RNF38: variants seen among roughly 807,000 people sequenced by gnomAD.
RNF38 encodes ring finger protein 38.
RNF38 carries 15 observed loss-of-function variants against 67.2 expected under a neutral mutation model. That is an observed-to-expected ratio of 0.22 (90% CI 0.15 to 0.34). The LOEUF (loss-of-function observed/expected upper bound fraction) is 0.34. Ranked by LOEUF, RNF38 falls within the 10% of genes least tolerant of loss-of-function variation. The pLI is 1.00. For missense variants in RNF38, 524 were observed against 639.9 expected, an observed-to-expected ratio of 0.82 and a Z score of 1.95; for synonymous variants, 220 against 218.8, an observed-to-expected ratio of 1.01 and a Z score of -0.05.
At chr9:36,462,567 A>G (rs771105440) in intron 1 of RNF38, among the ~76,000 whole-genome samples, 1 of 152,102 alleles carries the variant, frequency 6.6e-6, no homozygotes, top group Non-Finnish European at 1.5e-5. Context: ...TACAGCAAGC[A>G]CACTTTTGCG....
At chr9:36,453,689 TAA>T (rs1344124433) in intron 1 of RNF38, among the ~76,000 whole-genome samples, 9 of 152,042 alleles carry the variant, frequency 5.9e-5, no homozygotes, top group African/African-American at 2.2e-4. Flanking sequence ...GCCACTGAGC[TAA>T]GTTTTAAAAA....
At chr9:36,369,278 C>T (rs1262865130) in intron 4 of RNF38, among the ~76,000 whole-genome samples, 2 of 152,270 alleles carry the variant, frequency 1.3e-5, no homozygotes, top group East Asian at 3.9e-4. Context: ...CTCGTTCTGC[C>T]ACCCAGTGCA....
At position 36,369,845 on chromosome 9, in the gene RNF38, A is replaced by C; in HGVS notation, c.444T>G (p.Pro148=). The C allele has an allele frequency of 6.2e-7, 1 of 1,613,898 alleles. No individual in the cohort carries two copies. The highest frequency in any genetic ancestry group is 8.5e-7 in the Non-Finnish European group (1 of 1,180,010). The stretch of plus-strand genomic sequence containing the variant: ...CCTCTATTGCTTGCTGCTGTGCGTA[A>C]GGGAGATGGTGATAGTTTTCATCTT... ...ISQDENYHHL[P]YAQQQAIEEP... Residue 148 remains proline, a synonymous_variant, in exon 4 of 12, where the codon CCT becomes CCG. Transcript: ENST00000259605.
chr9:36,423,407 A>G (rs1295261864), intron 2 of RNF38, among the ~76,000 whole-genome samples: 1 of 152,274 alleles, frequency 6.6e-6, no homozygotes, highest in East Asian at 1.9e-4. Context: ...GCTCCAACAC[A>G]ATGAGAGAGG....
chr9:36,409,872 T>A (rs1397891383), intron 2 of RNF38, among the ~76,000 whole-genome samples: 1 of 152,234 alleles, frequency 6.6e-6, no homozygotes, highest in East Asian at 1.9e-4. Flanking sequence ...ACAAAACAAA[T>A]CATAATATTA....
At chr9:36,373,705 C>T (rs1835566225) in intron 3 of RNF38, among the ~76,000 whole-genome samples, 1 of 151,128 alleles carries the variant, frequency 6.6e-6, no homozygotes, top group East Asian at 2.0e-4. Context: ...GAACTCTTGA[C>T]TTCAGGTGAT....
At chr9:36,339,855 T>C (rs1832714644) in intron 11 of RNF38, 41 bp from the exon 12 acceptor site, 1 of 1,492,980 alleles carries the variant, frequency 6.7e-7, no homozygotes. Flanking sequence ...TTGTGACACA[T>C]ACAATGAAAC....
chr9:36,487,626 C>G, upstream of RNF38: 1 of 969,660 alleles, frequency 1.0e-6, no homozygotes, highest in South Asian at 4.6e-5. Flanking sequence ...TGGCTGGGCC[C>G]CGGCCGGCAG....
chr9:36,389,752 CAATT>C (rs1294234557), intron 2 of RNF38, among the ~76,000 whole-genome samples: 1 of 152,180 alleles, frequency 6.6e-6, no homozygotes, highest in Non-Finnish European at 1.5e-5. Flanking sequence ...CCTTGATGAT[CAATT>C]ATTTCACTAC....
rs777322436 is a variant in RNF38 at position 36,435,623 on chromosome 9, G to GTT, written n.242-10942_242-10941dup. 3.6e-3 allele frequency among the ~76,000 whole-genome samples: 513 copies of GTT among 141,796 alleles called. 3 individuals are homozygous for GTT. Among genetic ancestry groups the GTT allele is most frequent in the African/African-American group, 9.7e-3 (376 of 38,614 alleles). The allele number at this position is 141,796 out of a possible 152,430, so 93.0% of individuals were successfully genotyped here. On this transcript the variant is annotated intron_variant and non_coding_transcript_variant, in intron 1 of 3. Transcript: ENST00000488058. ...CGTGCCTTGGCCTTAGTGAATGGAG[G>GTT]TTTTTTTTTTTTTTTGAGATGGAGT...
At chr9:36,376,802 T>G (rs770305499) in intron 2 of RNF38, among the ~76,000 whole-genome samples, 1 of 151,874 alleles carries the variant, frequency 6.6e-6, no homozygotes, top group African/African-American at 2.4e-5. Context: ...GGCACATGCC[T>G]GTAATCCCAG....
intron 1 of RNF38, among the ~76,000 whole-genome samples, chr9:36,457,815 C>G (rs1411084227): frequency 1.3e-5 from 2 of 151,922 alleles, no homozygotes; most frequent in Non-Finnish European, 2.9e-5. Flanking sequence ...TGCACTCCAG[C>G]CTGGGTGACA....
chr9:36,426,534 G>A (rs1838776141), intron 1 of RNF38, among the ~76,000 whole-genome samples: 1 of 152,112 alleles, frequency 6.6e-6, no homozygotes, highest in Admixed American at 6.6e-5. Flanking sequence ...TCCAGTATAT[G>A]GATATACCAC....
At chr9:36,476,148 T>C (rs1353930897) in intron 1 of RNF38, among the ~76,000 whole-genome samples, 1 of 152,178 alleles carries the variant, frequency 6.6e-6, no homozygotes, top group African/African-American at 2.4e-5. Flanking sequence ...TTTTTGAGAC[T>C]GAGTCTCGCT....
chr9:36,399,716 G>A (rs1224382979), intron 1 of RNF38, among the ~76,000 whole-genome samples: 1 of 151,838 alleles, frequency 6.6e-6, no homozygotes, highest in Non-Finnish European at 1.5e-5. Flanking sequence ...TCCATTAGAC[G>A]GTGTTCCCTG....
At chr9:36,424,743 A>T (rs1838725463) in intron 1 of RNF38, 1 of 636,856 alleles carries the variant, frequency 1.6e-6, no homozygotes, top group African/African-American at 2.0e-5. Flanking sequence ...AAACTGCTTT[A>T]CCAATTAAAA....
intron 1 of RNF38, among the ~76,000 whole-genome samples, chr9:36,456,651 G>A (rs1231032811): frequency 6.6e-6 from 1 of 151,984 alleles, no homozygotes; most frequent in Admixed American, 6.6e-5. Context: ...GCCTCTTCCT[G>A]CAATTCACCT....
rs549878162 is a variant in RNF38 at position 36,461,509 on chromosome 9, C to T, written n.241+25799G>A. Among the ~76,000 whole-genome samples, 127 of 152,200 alleles carry T rather than the reference C, an allele frequency of 8.3e-4. 1 individual carries two copies. The highest frequency in any genetic ancestry group is 1.4e-3 in the Non-Finnish European group (98 of 68,012). ...TGTAAATTCAAGTGCAATGGGATGCCACTGAATAGTTTAAGTAACCATGTG... is the reference window on the plus strand; with the variant it reads ...TGTAAATTCAAGTGCAATGGGATGCTACTGAATAGTTTAAGTAACCATGTG... On this transcript the variant is annotated intron_variant and non_coding_transcript_variant, in intron 1 of 3. Transcript: ENST00000488058.
chr9:36,487,509 C>T (rs1840448190), exon 1 of RNF38: 9 of 980,556 alleles, frequency 9.2e-6, no homozygotes, highest in Non-Finnish European at 1.1e-5. Context: ...GCGGCGGCGG[C>T]GGCTGCTGAG....
Sources: allele counts gnomAD v4.1 joint callset (sites outside exome capture counted in the v4.1 genomes callset), GRCh38; gene constraint gnomAD v4.1.1; transcripts MANE v1.5; gene names NCBI Gene and HGNC (gene_info 2026-07-23, HGNC 2026-07-21).